CNGB3: variants seen among roughly 807,000 people sequenced by gnomAD.
CNGB3 encodes cyclic nucleotide-gated channel beta-3.
A neutral mutation model predicts 92.8 loss-of-function variants in CNGB3; 86 were observed. The observed-to-expected ratio is 0.93, with a 90% confidence interval of 0.78 to 1.11. The LOEUF (loss-of-function observed/expected upper bound fraction) is 1.11, where lower values mean the gene tolerates loss of function less well. Ranked by LOEUF, CNGB3 falls within the 50% of genes least tolerant of loss-of-function variation. The probability of loss-of-function intolerance (pLI) is 0.00; values close to 1 mark genes in which losing one functional copy is unlikely to be tolerated. For missense variants in CNGB3, 1,026 were observed against 956.8 expected, an observed-to-expected ratio of 1.07 and a Z score of -0.95; for synonymous variants, 333 against 332.7, an observed-to-expected ratio of 1.00 and a Z score of -0.01.
chr8:86,617,731 G>A (rs914734245), intron 13 of CNGB3, among the ~76,000 whole-genome samples: 2 of 152,114 alleles, frequency 1.3e-5, no homozygotes, highest in African/African-American at 4.8e-5. Flanking sequence ...CTAGGAGTTT[G>A]GGTCAAAGTG....
At chr8:86,694,336 C>T (rs1384781507) in intron 3 of CNGB3, among the ~76,000 whole-genome samples, 1 of 149,756 alleles carries the variant, frequency 6.7e-6, no homozygotes, top group Non-Finnish European at 1.5e-5. Flanking sequence ...GATGGGGCGG[C>T]TGGCCGGGCG....
intron 6 of CNGB3, chr8:86,657,662 G>A (rs1304844432): frequency 2.3e-6 from 1 of 433,416 alleles, no homozygotes; most frequent in Non-Finnish European, 4.6e-6. Flanking sequence ...AATCAACAGG[G>A]TTCTTGGCAG....
chr8:86,584,181 C>T (rs1306218031), intron 15 of CNGB3, among the ~76,000 whole-genome samples: 1 of 152,170 alleles, frequency 6.6e-6, no homozygotes, highest in Non-Finnish European at 1.5e-5. Context: ...ACCATATCTT[C>T]ACTCATTCAT....
chr8:86,635,865 CACAT>C (rs59874555), intron 10 of CNGB3, among the ~76,000 whole-genome samples: 12,844 of 61,066 alleles, frequency 0.21, 1,067 homozygotes, highest in Admixed American at 0.31. Flanking sequence ...TATATATATA[CACAT>C]ACACATATAC....
chr8:86,580,338 T>C (rs1177819613), intron 15 of CNGB3, among the ~76,000 whole-genome samples: 2 of 152,214 alleles, frequency 1.3e-5, no homozygotes, highest in Non-Finnish European at 2.9e-5. Context: ...AGACTTTTCC[T>C]CACTTCTGTC....
rs143358633 is a variant in CNGB3, at chr8:86,592,725, G to C, written c.1781+11368C>G. Reference sequence around the variant, plus strand: ...TCCATATATATATATAACTCTACATGCTATCAATGGAAAGAACATCATATT... The same window carrying C: ...TCCATATATATATATAACTCTACATCCTATCAATGGAAAGAACATCATATT... On this transcript the variant is annotated intron_variant, in intron 15 of 17. Transcript: ENST00000320005. Among the ~76,000 whole-genome samples, 53 of 152,118 alleles carry C rather than the reference G, an allele frequency of 3.5e-4. 1 individual carries two copies. Among genetic ancestry groups the C allele is most frequent in the African/African-American group, 1.2e-3 (51 of 41,466 alleles).
chr8:86,725,855 T>G (rs1456747491), intron 3 of CNGB3, among the ~76,000 whole-genome samples: 1 of 152,204 alleles, frequency 6.6e-6, no homozygotes, highest in Non-Finnish European at 1.5e-5. Context: ...ATATTGCAAT[T>G]ATATCAATTA....
rs3735969 is a variant in CNGB3 at position 86,632,931 on chromosome 8, A to G, written c.1179-38T>C. The G allele has an allele frequency of 0.07, 110,910 of 1,585,200 alleles. 4,245 individuals carry two copies. Among genetic ancestry groups the G allele is most frequent in the South Asian group, 0.075 (6,776 of 90,124 alleles). ...AAGATATACATTTTGCTTTTTTTCT[A>G]TATCATCGAAAGACCACTATTCTTG... is the stretch of plus-strand genomic sequence containing the variant. On this transcript the variant is annotated intron_variant, in intron 10 of 17. Coordinates refer to ENST00000320005, the MANE Select transcript of CNGB3 (RefSeq NM_019098.5).
At chr8:86,703,925 TA>T (rs1167710134) in intron 3 of CNGB3, 1 of 152,196 alleles carries the variant, frequency 6.6e-6, no homozygotes, top group African/African-American at 2.4e-5. Context: ...ATAAATATCA[TA>T]AAAACTAATA....
At chr8:86,615,704 TAG>T (rs1822607176) in intron 13 of CNGB3, among the ~76,000 whole-genome samples, 1 of 152,144 alleles carries the variant, frequency 6.6e-6, no homozygotes, top group Non-Finnish European at 1.5e-5. Flanking sequence ...GGTCTGAATA[TAG>T]AATATATTCA....
chr8:86,629,940 G>C (rs1457646613), intron 11 of CNGB3, among the ~76,000 whole-genome samples: 2 of 152,110 alleles, frequency 1.3e-5, no homozygotes, highest in African/African-American at 2.4e-5. Context: ...GAAAACCAGG[G>C]CCTCACTTTC....
At chr8:86,736,881 A>G (rs1243147567) in intron 2 of CNGB3, among the ~76,000 whole-genome samples, 1 of 152,182 alleles carries the variant, frequency 6.6e-6, no homozygotes, top group Non-Finnish European at 1.5e-5. Flanking sequence ...TTCCTCTTTC[A>G]GTGACACGTT....
intron 15 of CNGB3, among the ~76,000 whole-genome samples, chr8:86,584,900 TG>T (rs1821862931): frequency 6.6e-6 from 1 of 152,138 alleles, no homozygotes; most frequent in African/African-American, 2.4e-5. Flanking sequence ...TACAGTGAAG[TG>T]GGTAAAAAGG....
intron 17 of CNGB3, among the ~76,000 whole-genome samples, chr8:86,578,339 A>G (rs968799299): frequency 6.6e-6 from 1 of 152,208 alleles, no homozygotes; most frequent in Non-Finnish European, 1.5e-5. Context: ...TTGTCCACAA[A>G]TGACCACAAA....
chr8:86,692,589 C>T (rs1038939788), intron 3 of CNGB3, among the ~76,000 whole-genome samples: 2 of 152,090 alleles, frequency 1.3e-5, no homozygotes, highest in African/African-American at 4.8e-5. Flanking sequence ...TGTCTTTTTT[C>T]ACCCCTTTAC....
Position 86,666,891 on chromosome 8 carries a change from G to A in CNGB3, c.852+34C>T, listed in dbSNP as rs138558071. The A allele has an allele frequency of 5.2e-4, 799 of 1,528,396 alleles. 4 individuals are homozygous for A. The East Asian group carries it at 9.6e-3, about 18-fold the overall frequency. 94.7% of individuals were successfully genotyped at this position (1,528,396 alleles called of 1,614,324 possible). A position where few individuals can be genotyped will look rare whatever the true frequency, so the allele number is the denominator to read the frequency against. On this transcript the variant is annotated intron_variant, in intron 6 of 17. Transcript: ENST00000320005. ...TGTAGCCCAATTAGATGTTATTCACGTTTCAGTTTCTGCCTTTCCCGAACC... is the reference window on the plus strand; with the variant it reads ...TGTAGCCCAATTAGATGTTATTCACATTTCAGTTTCTGCCTTTCCCGAACC...
chr8:86,694,879 C>T (rs986298848), intron 3 of CNGB3, among the ~76,000 whole-genome samples: 10 of 152,104 alleles, frequency 6.6e-5, no homozygotes, highest in Non-Finnish European at 1.2e-4. Flanking sequence ...AGAGACTCTC[C>T]TCACTTCCCA....
intron 6 of CNGB3, chr8:86,659,010 T>C (rs1167723643): frequency 2.9e-5 from 30 of 1,035,990 alleles, no homozygotes; most frequent in Non-Finnish European, 4.3e-5. Context: ...CTCCAGCTCC[T>C]TCCGCAGGTG....
Position 86,614,131 on chromosome 8 carries a change from G to A in CNGB3, c.1579-2460C>T, listed in dbSNP as rs543411629. On this transcript the variant is annotated intron_variant, in intron 13 of 17. Transcript: ENST00000320005. Reference sequence around the variant, plus strand: ...TTTAACTTTCTCATACTGGAAGTGGGATCAGTCACACTTGACAAGGTTTCC... The same window carrying A: ...TTTAACTTTCTCATACTGGAAGTGGAATCAGTCACACTTGACAAGGTTTCC... 2.0e-4 allele frequency among the ~76,000 whole-genome samples: 31 copies of A among 151,944 alleles called. No individual in the cohort carries two copies. The South Asian group carries it at 6.2e-3, about 31-fold the overall frequency.
Sources: gnomAD v4.1 joint callset for allele counts (sites outside exome capture counted in the v4.1 genomes callset) on GRCh38, gnomAD v4.1.1 for gene constraint, MANE v1.5 for transcripts, NCBI Gene and HGNC (gene_info 2026-07-23, HGNC 2026-07-21) for gene names.